Variants in GNB1 observed in about 807,000 individuals in gnomAD.
GNB1 encodes guanine nucleotide-binding protein G(I)/G(S)/G(T) subunit beta-1.
In GNB1, 2 loss-of-function variants were observed where a neutral mutation model predicts 42.9. The ratio of observed to expected loss-of-function variants is 0.05; its 90% CI spans 0.02 to 0.15. GNB1 has a LOEUF of 0.15. GNB1 is among the 10% of genes least tolerant of loss of function. The pLI, the probability that GNB1 is intolerant of heterozygous loss-of-function variation, is 1.00. For missense variants in GNB1, 193 were observed against 462.2 expected, an observed-to-expected ratio of 0.42 and a Z score of 5.34; for synonymous variants, 183 against 174.7, an observed-to-expected ratio of 1.05 and a Z score of -0.38.
chr1:1,883,008 G>C (rs1649939098), intron 1 of GNB1, among the ~76,000 whole-genome samples: 1 of 151,954 alleles, frequency 6.6e-6, no homozygotes, highest in Admixed American at 6.6e-5. Flanking sequence ...AAGCCTTTAA[G>C]AGCAGGTTAC....
At chr1:1,805,571 G>C (rs534329999) in intron 6 of GNB1, among the ~76,000 whole-genome samples, 1 of 151,612 alleles carries the variant, frequency 6.6e-6, no homozygotes, top group African/African-American at 2.4e-5. Flanking sequence ...ATGGAGTTTC[G>C]CTCTTGTTGC....
At chr1:1,886,218 T>C (rs1650147876) in intron 1 of GNB1, among the ~76,000 whole-genome samples, 2 of 152,108 alleles carry the variant, frequency 1.3e-5, no homozygotes, top group African/African-American at 4.8e-5. Flanking sequence ...CTCGGGAGGC[T>C]GAGACTGGAG....
intron 5 of GNB1, among the ~76,000 whole-genome samples, chr1:1,812,068 A>AAAAAAAAAAAAAAC (rs1439722177): frequency 6.6e-6 from 1 of 151,884 alleles, no homozygotes; most frequent in African/African-American, 2.4e-5. Flanking sequence ...TCCGTCTCAA[A>AAAAAAAAAAAAAAC]AAAAAAAACC....
chr1:1,872,059 T>A (rs1207052014), intron 1 of GNB1, among the ~76,000 whole-genome samples: 1 of 151,868 alleles, frequency 6.6e-6, no homozygotes, highest in Non-Finnish European at 1.5e-5. Flanking sequence ...TCGAGTACAG[T>A]TGTGTGATCA....
chr1:1,788,653 T>C (rs1213723910), intron 10 of GNB1: 1 of 181,846 alleles, frequency 5.5e-6, no homozygotes. Flanking sequence ...AGTAAGGAAG[T>C]CTCATCTTTT....
At chr1:1,854,035 C>G (rs1037855863) in intron 1 of GNB1, among the ~76,000 whole-genome samples, 2 of 152,210 alleles carry the variant, frequency 1.3e-5, no homozygotes, top group African/African-American at 4.8e-5. Context: ...GTGCCAGGCA[C>G]CACAGCTCAG....
chr1:1,803,965 T>C (rs1205276782), intron 7 of GNB1, among the ~76,000 whole-genome samples: 2 of 82,622 alleles, frequency 2.4e-5, no homozygotes, highest in East Asian at 7.7e-4. Context: ...CTGGGTGACA[T>C]AGTGAGACTC....
At chr1:1,812,534 C>G (rs1646796623) in intron 5 of GNB1, among the ~76,000 whole-genome samples, 1 of 152,084 alleles carries the variant, frequency 6.6e-6, no homozygotes, top group African/African-American at 2.4e-5. Flanking sequence ...CTCTGAAAAG[C>G]AGAGGTTCTC....
At chr1:1,837,534 G>A (rs985746797) in intron 2 of GNB1, among the ~76,000 whole-genome samples, 4 of 148,956 alleles carry the variant, frequency 2.7e-5, no homozygotes, top group South Asian at 2.1e-4. Context: ...GATTACAGGC[G>A]TGAGCCACCA....
intron 1 of GNB1, among the ~76,000 whole-genome samples, chr1:1,868,537 C>A (rs1649070211): frequency 6.6e-6 from 1 of 152,082 alleles, no homozygotes; most frequent in Admixed American, 6.6e-5. Context: ...AATTCCAGCA[C>A]TTTGGGAGGC....
intron 3 of GNB1, among the ~76,000 whole-genome samples, chr1:1,822,455 A>G (rs1188244601): frequency 6.6e-6 from 1 of 151,482 alleles, no homozygotes; most frequent in Non-Finnish European, 1.5e-5. Flanking sequence ...GGCGCCCACC[A>G]CCACCACACC....
chr1:1,811,057 G>T (rs1646769973), intron 5 of GNB1, among the ~76,000 whole-genome samples: 1 of 145,474 alleles, frequency 6.9e-6, no homozygotes, highest in Admixed American at 7.2e-5. Context: ...GCATGTTTGT[G>T]GGTATATATA....
At chr1:1,852,079 A>G (rs985064194) in intron 1 of GNB1, among the ~76,000 whole-genome samples, 3 of 146,740 alleles carry the variant, frequency 2.0e-5, no homozygotes, top group African/African-American at 7.6e-5. Context: ...ACTTTACTGG[A>G]AAAAAAAAAA....
chr1:1,848,330 G>T (rs954806308), intron 1 of GNB1, among the ~76,000 whole-genome samples: 14 of 132,950 alleles, frequency 1.1e-4, no homozygotes, highest in Non-Finnish European at 2.0e-4. Context: ...AGTGAGCCAA[G>T]ACTGAGCCAT....
intron 1 of GNB1, among the ~76,000 whole-genome samples, chr1:1,840,248 G>C (rs1292356925): frequency 6.8e-6 from 1 of 147,444 alleles, no homozygotes; most frequent in African/African-American, 2.5e-5. Flanking sequence ...AAAAAAAAAA[G>C]CTAGGTACCG....
chr1:1,881,306 G>C (rs572974792), intron 1 of GNB1, among the ~76,000 whole-genome samples: 1 of 152,210 alleles, frequency 6.6e-6, no homozygotes, highest in Admixed American at 6.5e-5. Context: ...CAACTGACTA[G>C]AGTCCCCTCC....
chr1:1,826,247 T>C (rs1250056704), intron 2 of GNB1, among the ~76,000 whole-genome samples: 3 of 151,832 alleles, frequency 2.0e-5, no homozygotes, highest in African/African-American at 4.8e-5. Flanking sequence ...TGAAACCCGA[T>C]CTCTACTAAA....
At chr1:1,870,785 T>A (rs1649204880) in intron 1 of GNB1, among the ~76,000 whole-genome samples, 1 of 151,616 alleles carries the variant, frequency 6.6e-6, no homozygotes, top group Non-Finnish European at 1.5e-5. Context: ...AAATGCAAAA[T>A]AAATTAGCTG....
intron 1 of GNB1, among the ~76,000 whole-genome samples, chr1:1,842,682 GA>G (rs1647293584): frequency 6.6e-6 from 1 of 152,184 alleles, no homozygotes; most frequent in African/African-American, 2.4e-5. Flanking sequence ...GTTTCCTTTT[GA>G]GGTGATGAAA....
Sources: gnomAD v4.1 joint callset for allele counts (sites outside exome capture counted in the v4.1 genomes callset) on GRCh38, gnomAD v4.1.1 for gene constraint, MANE v1.5 for transcripts, NCBI Gene and HGNC (gene_info 2026-07-23, HGNC 2026-07-21) for gene names.